Variants in RBFOX2 observed in about 807,000 individuals in gnomAD.
RBFOX2 encodes RNA binding protein fox-1 homolog 2.
A neutral mutation model predicts 49.1 loss-of-function variants in RBFOX2; 10 were observed. That is an observed-to-expected ratio of 0.20 (90% CI 0.13 to 0.35). RBFOX2 has a LOEUF of 0.35. Among genes scored for constraint, RBFOX2 ranks in the 10% least tolerant of loss-of-function variants. The probability of loss-of-function intolerance (pLI) is 1.00; values close to 1 mark genes in which losing one functional copy is unlikely to be tolerated. For synonymous variants in RBFOX2, 183 were observed against 187.4 expected, an observed-to-expected ratio of 0.98 and a Z score of 0.19; for missense variants, 323 against 486.9, an observed-to-expected ratio of 0.66 and a Z score of 3.17.
At chr22:35,888,716 C>A (rs1232580601) in intron 1 of RBFOX2, among the ~76,000 whole-genome samples, 1 of 152,168 alleles carries the variant, frequency 6.6e-6, no homozygotes, top group Non-Finnish European at 1.5e-5. Context: ...ACCAAAATAA[C>A]CCTTGCTAAA....
chr22:36,017,859 T>C (rs61416837), intron 1 of RBFOX2, among the ~76,000 whole-genome samples: 221 of 152,306 alleles, frequency 1.5e-3, no homozygotes, highest in African/African-American at 5.0e-3. Flanking sequence ...AAATATCAGG[T>C]TGCTATGCCT....
chr22:36,023,599 CTT>C (rs1314070309), intron 1 of RBFOX2, among the ~76,000 whole-genome samples: 1 of 151,484 alleles, frequency 6.6e-6, no homozygotes, highest in African/African-American at 2.5e-5. Context: ...ACATATTAAA[CTT>C]AAAGTGAAAT....
intron 1 of RBFOX2, among the ~76,000 whole-genome samples, chr22:35,856,956 C>A (rs2042582720): frequency 1.3e-5 from 2 of 152,058 alleles, no homozygotes; most frequent in African/African-American, 4.8e-5. Context: ...TGCCTGAACC[C>A]GGGAGGCAGA....
At chr22:35,821,813 G>A in intron 1 of RBFOX2, 1 of 518,870 alleles carries the variant, frequency 1.9e-6, no homozygotes, top group South Asian at 1.4e-5. Flanking sequence ...TAGGACTGTA[G>A]GACCTGGCCT....
intron 2 of RBFOX2, among the ~76,000 whole-genome samples, chr22:35,786,850 T>C (rs924519596): frequency 6.6e-6 from 1 of 152,174 alleles, no homozygotes; most frequent in African/African-American, 2.4e-5. Context: ...CAATTTCATA[T>C]GTGAAATCAC....
intron 1 of RBFOX2, among the ~76,000 whole-genome samples, chr22:35,970,017 G>A (rs535420638): frequency 4.7e-4 from 72 of 152,270 alleles, no homozygotes; most frequent in African/African-American, 1.6e-3. Context: ...AGAGCCACTC[G>A]AAAAACAAAC....
intron 1 of RBFOX2, among the ~76,000 whole-genome samples, chr22:35,928,398 C>T (rs2051937513): frequency 6.6e-6 from 1 of 152,190 alleles, no homozygotes; most frequent in Non-Finnish European, 1.5e-5. Context: ...GAAAGCAGCA[C>T]AATTTCTCTT....
At chr22:35,991,449 T>TA (rs956390520) in intron 1 of RBFOX2, among the ~76,000 whole-genome samples, 2 of 151,976 alleles carry the variant, frequency 1.3e-5, no homozygotes, top group Non-Finnish European at 1.5e-5. Flanking sequence ...CTTTAAAAGA[T>TA]AAAAAAAATT....
chr22:35,781,749 A>T lies in RBFOX2; in HGVS notation c.253-3T>A, dbSNP rs775783741. 6.2e-7 allele frequency: 1 copy of T among 1,613,942 alleles called. No individual in the cohort carries two copies. Among genetic ancestry groups the T allele is most frequent in the Non-Finnish European group, 8.5e-7 (1 of 1,179,970 alleles). On this transcript the variant is annotated splice_region_variant and splice_polypyrimidine_tract_variant and intron_variant, in intron 2 of 11. Transcript: ENST00000405409. ...GTCTGTGCTCCACCTTCTGTCTGCTAAGCAAAGAAATAAAGAATGAAAAAT... is the reference window on the plus strand; with the variant it reads ...GTCTGTGCTCCACCTTCTGTCTGCTTAGCAAAGAAATAAAGAATGAAAAAT...
chr22:35,798,625 C>T (rs1803621290), intron 2 of RBFOX2, among the ~76,000 whole-genome samples: 1 of 152,144 alleles, frequency 6.6e-6, no homozygotes, highest in South Asian at 2.1e-4. Context: ...CAAACAATAT[C>T]TGGTACAAAG....
chr22:36,010,792 C>A (rs1247371367), intron 1 of RBFOX2, among the ~76,000 whole-genome samples: 1 of 151,304 alleles, frequency 6.6e-6, no homozygotes, highest in Non-Finnish European at 1.5e-5. Flanking sequence ...TGTTTATATT[C>A]TCTATTTGTT....
intron 1 of RBFOX2, among the ~76,000 whole-genome samples, chr22:35,827,589 G>A (rs1351936281): frequency 6.6e-6 from 1 of 152,104 alleles, no homozygotes; most frequent in African/African-American, 2.4e-5. Context: ...CAATGCCATA[G>A]CCATTCTCCT....
At chr22:35,893,497 A>C (rs2047490340) in intron 1 of RBFOX2, among the ~76,000 whole-genome samples, 1 of 152,206 alleles carries the variant, frequency 6.6e-6, no homozygotes, top group African/African-American at 2.4e-5. Flanking sequence ...CCCATCCTTC[A>C]GGTCAACAGG....
intron 1 of RBFOX2, among the ~76,000 whole-genome samples, chr22:35,892,764 T>C (rs2047398145): frequency 6.6e-6 from 1 of 152,214 alleles, no homozygotes; most frequent in Non-Finnish European, 1.5e-5. Flanking sequence ...TTACATAAAA[T>C]TCACTTCATG....
intron 1 of RBFOX2, among the ~76,000 whole-genome samples, chr22:35,980,295 T>C (rs2057395545): frequency 6.6e-6 from 1 of 152,336 alleles, no homozygotes; most frequent in Admixed American, 6.5e-5. Context: ...TTTGGGGATC[T>C]CCAACTATTC....
At chr22:35,743,499 G>C (rs1285463643) in exon 12 of RBFOX2, 1 of 152,198 alleles carries the variant, frequency 6.6e-6, no homozygotes, top group Non-Finnish European at 1.5e-5. Context: ...CTGTCTGAGA[G>C]CACGTTTGGA....
intron 1 of RBFOX2, among the ~76,000 whole-genome samples, chr22:35,828,599 C>T (rs970043467): frequency 1.3e-5 from 2 of 152,196 alleles, no homozygotes; most frequent in African/African-American, 2.4e-5. Context: ...TAGGAGCTCA[C>T]ACAGTGCCAA....
At chr22:35,966,891 C>A (rs1439537034) in intron 1 of RBFOX2, among the ~76,000 whole-genome samples, 1 of 152,030 alleles carries the variant, frequency 6.6e-6, no homozygotes, top group Non-Finnish European at 1.5e-5. Context: ...TAGCTCACTG[C>A]AGCCTTGAAC....
At chr22:35,753,722 C>G (rs1935819157) in intron 9 of RBFOX2, among the ~76,000 whole-genome samples, 1 of 141,068 alleles carries the variant, frequency 7.1e-6, no homozygotes, top group African/African-American at 2.6e-5. Context: ...AGTAAGATAA[C>G]TATTAAAAAA....
Sources: allele counts gnomAD v4.1 joint callset (sites outside exome capture counted in the v4.1 genomes callset), GRCh38; gene constraint gnomAD v4.1.1; transcripts MANE v1.5; gene names NCBI Gene and HGNC (gene_info 2026-07-23, HGNC 2026-07-21).